The following C1orf87 variants were observed in gnomAD, a reference collection of about 807,000 sequenced individuals.
The protein encoded by C1orf87 is chromosome 1 open reading frame 87, also known as uncharacterized protein C1orf87.
A neutral mutation model predicts 60.5 loss-of-function variants in C1orf87; 58 were observed. The ratio of observed to expected loss-of-function variants is 0.96; its 90% confidence interval spans 0.78 to 1.19. The LOEUF (loss-of-function observed/expected upper bound fraction) is 1.19, where lower values mean the gene tolerates loss of function less well. C1orf87 is among the 50% of genes most tolerant of loss of function. The pLI, the probability that C1orf87 is intolerant of heterozygous loss-of-function variation, is 0.00. For synonymous variants in C1orf87, 236 were observed against 227.4 expected (o/e 1.04, Z -0.34); for missense variants, 673 against 638.6 (o/e 1.05, Z -0.58).
At chr1:60,002,836 G>T (rs1645016988) in intron 9 of C1orf87, among the ~76,000 whole-genome samples, 1 of 149,920 alleles carries the variant, frequency 6.7e-6, no homozygotes, top group Admixed American at 6.7e-5. Flanking sequence ...TGCTGGAGAG[G>T]ATGTGGAGAA....
intron 5 of C1orf87, among the ~76,000 whole-genome samples, chr1:60,038,914 G>T (rs1645297745): frequency 6.6e-6 from 1 of 152,202 alleles, no homozygotes; most frequent in African/African-American, 2.4e-5. Context: ...AGGGAAGCTA[G>T]ATAGGGCCCC....
intron 8 of C1orf87, among the ~76,000 whole-genome samples, chr1:60,011,765 TTTA>T (rs1440110931): frequency 1.3e-5 from 2 of 152,120 alleles, no homozygotes; most frequent in African/African-American, 2.4e-5. Flanking sequence ...AGGTAACTAG[TTTA>T]TTTTGCTTAT....
chr1:60,063,991 T>A (rs1176705158), intron 2 of C1orf87, among the ~76,000 whole-genome samples: 1 of 151,946 alleles, frequency 6.6e-6, no homozygotes, highest in Non-Finnish European at 1.5e-5. Context: ...CCACCCTCAA[T>A]CTGGGTGGCA....
At chr1:59,995,070 G>C (rs905110281) in intron 11 of C1orf87, among the ~76,000 whole-genome samples, 2 of 152,166 alleles carry the variant, frequency 1.3e-5, no homozygotes, top group Non-Finnish European at 2.9e-5. Context: ...CCATGAGAAA[G>C]GCATTTCAAA....
Position 60,032,432 on chromosome 1 carries a change from G to GTTTTTT in C1orf87, c.1029+1038_1029+1043dup, listed in dbSNP as rs11376932. Among the ~76,000 whole-genome samples, 422 of 88,554 alleles carry GTTTTTT rather than the reference G, an allele frequency of 4.8e-3. 13 individuals carry two copies. The highest frequency in any genetic ancestry group is 8.9e-3 in the Middle Eastern group (1 of 112). The allele number at this position is 88,554 out of a possible 152,430, so 58.1% of individuals were successfully genotyped here. A position where few individuals can be genotyped will look rare whatever the true frequency, so the allele number is the denominator to read the frequency against. On this transcript the variant is annotated intron_variant, in intron 7 of 11. Coordinates refer to ENST00000371201, the MANE Select transcript of C1orf87 (RefSeq NM_152377.3). ...TTCAATTGGCCTCTTTGAGACTCAG[G>GTTTTTT]TTTTTTTTTTTTTTTTTTTTTTTGA...
chr1:60,032,436 T>TG (rs1391171877), intron 7 of C1orf87, among the ~76,000 whole-genome samples: 1 of 141,628 alleles, frequency 7.1e-6, no homozygotes, highest in Non-Finnish European at 1.5e-5. Context: ...ACTCAGGTTT[T>TG]TTTTTTTTTT....
chr1:60,059,368 T>C (rs1331737136), intron 2 of C1orf87, among the ~76,000 whole-genome samples: 1 of 152,220 alleles, frequency 6.6e-6, no homozygotes, highest in African/African-American at 2.4e-5. Flanking sequence ...GCTGCTGCTC[T>C]GGGGGTGCCG....
intron 3 of C1orf87, among the ~76,000 whole-genome samples, chr1:60,051,196 C>T (rs1307052848): frequency 1.3e-5 from 2 of 152,036 alleles, no homozygotes; most frequent in Non-Finnish European, 2.9e-5. Flanking sequence ...AGCTAGAATG[C>T]TAAGTCAAGG....
At chr1:60,035,217 A>G (rs796846676) in intron 6 of C1orf87, among the ~76,000 whole-genome samples, 6 of 152,332 alleles carry the variant, frequency 3.9e-5, no homozygotes, top group African/African-American at 1.4e-4. Context: ...TCAATCAGAC[A>G]TCTCTGTTCC....
intron 8 of C1orf87, among the ~76,000 whole-genome samples, chr1:60,022,483 C>T (rs1283666120): frequency 6.6e-6 from 1 of 152,140 alleles, no homozygotes; most frequent in African/African-American, 2.4e-5. Context: ...AAAGAAATTG[C>T]AGTAGTTTCC....
intron 3 of C1orf87, among the ~76,000 whole-genome samples, chr1:60,050,051 A>G (rs1645402555): frequency 1.3e-5 from 2 of 152,108 alleles, no homozygotes; most frequent in Non-Finnish European, 2.9e-5. Flanking sequence ...CCCATTATTC[A>G]TAGTGCTGCT....
intron 11 of C1orf87, 115 bp downstream of exon 11, chr1:59,997,494 C>T: frequency 1.1e-6 from 1 of 911,790 alleles, no homozygotes; most frequent in Non-Finnish European, 1.7e-6. Flanking sequence ...TTGCAGGGCA[C>T]ATGATTTATA....
chr1:59,998,238 A>G (rs1644976993), intron 10 of C1orf87, among the ~76,000 whole-genome samples: 1 of 152,154 alleles, frequency 6.6e-6, no homozygotes, highest in Admixed American at 6.6e-5. Flanking sequence ...GATCGAAACA[A>G]TAATGATGTT....
intron 1 of C1orf87, 118 bp downstream of exon 1, chr1:60,073,572 T>G (rs1645598622): frequency 6.6e-6 from 1 of 152,378 alleles, no homozygotes; most frequent in South Asian, 2.1e-4. Flanking sequence ...ACCTGCAGCC[T>G]CTTTGCACCT....
intron 9 of C1orf87, chr1:60,008,578 T>C (rs1645061703): frequency 3.3e-6 from 1 of 301,962 alleles, no homozygotes. Flanking sequence ...AGAGGAAATT[T>C]AGACCTATAG....
At chr1:60,000,485 T>C (rs1345406844) in intron 10 of C1orf87, among the ~76,000 whole-genome samples, 1 of 152,110 alleles carries the variant, frequency 6.6e-6, no homozygotes, top group South Asian at 2.1e-4. Context: ...CATTTTAAGA[T>C]GAATTATGTT....
intron 8 of C1orf87, among the ~76,000 whole-genome samples, chr1:60,022,707 T>G (rs1282136655): frequency 1.3e-5 from 2 of 152,156 alleles, no homozygotes; most frequent in Non-Finnish European, 2.9e-5. Flanking sequence ...AGAAAGTATT[T>G]TACAGTTTAT....
chr1:60,033,283 C>A lies in C1orf87; in HGVS notation c.1029+193G>T, dbSNP rs555555265. On this transcript the variant is annotated intron_variant, in intron 7 of 11. Coordinates refer to ENST00000371201, the MANE Select transcript of C1orf87 (RefSeq NM_152377.3). ...AGCCCAATATAAGTAATTCCTGGAT[C>A]AATTTCACAATTCCTGTACATTTCA... is the stretch of plus-strand genomic sequence containing the variant. 3.1e-4 allele frequency among the ~76,000 whole-genome samples: 47 copies of A among 152,250 alleles called. 1 individual carries two copies. The highest frequency in any genetic ancestry group is 1.1e-3 in the African/African-American group (46 of 41,558).
intron 10 of C1orf87, among the ~76,000 whole-genome samples, chr1:60,000,215 C>G (rs1367885816): frequency 6.6e-6 from 1 of 152,098 alleles, no homozygotes; most frequent in Non-Finnish European, 1.5e-5. Flanking sequence ...CTTCAATTTG[C>G]CTTTCTAAAA....
Sources: allele counts gnomAD v4.1 joint callset (sites outside exome capture counted in the v4.1 genomes callset), GRCh38; gene constraint gnomAD v4.1.1; transcripts MANE v1.5; gene names NCBI Gene and HGNC (gene_info 2026-07-23, HGNC 2026-07-21).